BNC2: variants seen among roughly 807,000 people sequenced by gnomAD.
BNC2 encodes basonuclin zinc finger protein 2.
In BNC2, 20 loss-of-function variants were observed where a neutral mutation model predicts 76.3. The ratio of observed to expected loss-of-function variants is 0.26; its 90% CI spans 0.18 to 0.38. The LOEUF (loss-of-function observed/expected upper bound fraction) is 0.38. Among genes scored for constraint, BNC2 ranks in the 10% least tolerant of loss-of-function variants. BNC2 has a pLI of 1.00. For missense variants in BNC2, 1,382 were observed against 1,399.8 expected, an observed-to-expected ratio of 0.99 and a Z score of 0.20; for synonymous variants, 582 against 514.8, an observed-to-expected ratio of 1.13 and a Z score of -1.77.
chr9:16,868,414 A>C (rs1313784527), intron 1 of BNC2, among the ~76,000 whole-genome samples: 1 of 152,212 alleles, frequency 6.6e-6, no homozygotes, highest in African/African-American at 2.4e-5. Flanking sequence ...TATCTGACAG[A>C]TATCTTACAT....
chr9:16,690,320 A>T (rs369891850), intron 3 of BNC2, among the ~76,000 whole-genome samples: 7 of 152,266 alleles, frequency 4.6e-5, no homozygotes, highest in Admixed American at 2.0e-4. Context: ...AGTAATAATG[A>T]AAGAAAAATT....
intron 5 of BNC2, among the ~76,000 whole-genome samples, chr9:16,534,651 T>C (rs1189671201): frequency 1.3e-5 from 2 of 152,130 alleles, no homozygotes; most frequent in African/African-American, 4.8e-5. Flanking sequence ...AAAAAAATGA[T>C]TCTCCACCCA....
At chr9:16,848,002 A>C (rs932507360) in intron 1 of BNC2, among the ~76,000 whole-genome samples, 2 of 152,214 alleles carry the variant, frequency 1.3e-5, no homozygotes, top group African/African-American at 4.8e-5. Context: ...CCCTTTTCTA[A>C]GTCTCTGTTC....
intron 1 of BNC2, chr9:16,868,108 A>T (rs2136239207): frequency 6.6e-6 from 1 of 152,308 alleles, no homozygotes; most frequent in East Asian, 1.9e-4. Context: ...TTTTGAAAAG[A>T]CGACACAGCA....
chr9:16,633,706 G>A (rs997616552), intron 3 of BNC2, among the ~76,000 whole-genome samples: 10 of 151,954 alleles, frequency 6.6e-5, no homozygotes, highest in African/African-American at 2.2e-4. Context: ...TCGTAACATC[G>A]TGACAATGTT....
intron 5 of BNC2, among the ~76,000 whole-genome samples, chr9:16,470,829 A>G (rs760380551): frequency 2.0e-5 from 3 of 152,190 alleles, no homozygotes; most frequent in Non-Finnish European, 4.4e-5. Flanking sequence ...CTCATGGAGA[A>G]CCTCTGCTGC....
intron 1 of BNC2, among the ~76,000 whole-genome samples, chr9:16,748,941 T>C (rs1001303578): frequency 1.4e-5 from 2 of 145,574 alleles, no homozygotes; most frequent in African/African-American, 5.0e-5. Flanking sequence ...TATATATATA[T>C]ATATATATGA....
chr9:16,796,953 G>C (rs766273146), intron 1 of BNC2, among the ~76,000 whole-genome samples: 1 of 152,050 alleles, frequency 6.6e-6, no homozygotes, highest in African/African-American at 2.4e-5. Flanking sequence ...GCAAAAGTGG[G>C]GCTTCTACGA....
intron 3 of BNC2, among the ~76,000 whole-genome samples, chr9:16,587,935 G>A (rs1041165067): frequency 6.6e-6 from 1 of 152,136 alleles, no homozygotes; most frequent in Non-Finnish European, 1.5e-5. Flanking sequence ...AGTACAGGTT[G>A]TGAATATTAT....
At chr9:16,718,225 T>A (rs537035502) in intron 3 of BNC2, among the ~76,000 whole-genome samples, 186 of 152,338 alleles carry the variant, frequency 1.2e-3, no homozygotes, top group Admixed American at 1.3e-3. Flanking sequence ...AAGGCCCTTA[T>A]TCCCATAACA....
chr9:16,497,174 G>C lies in BNC2; in HGVS notation c.669+55356C>G, dbSNP rs534778435. 1.4e-4 allele frequency among the ~76,000 whole-genome samples: 22 copies of C among 152,288 alleles called. No individual in the cohort carries two copies. In the East Asian group the frequency reaches 4.3e-3, roughly 29 times the overall value. On this transcript the variant is annotated intron_variant, in intron 5 of 6. Transcript: ENST00000380672. ...TTTTTGGAGCTCTAATATCAGAAAG[G>C]GGTTTCCTAGTCATCTCAAAGTGTG...
intron 1 of BNC2, among the ~76,000 whole-genome samples, chr9:16,792,197 A>C (rs1342482804): frequency 6.6e-6 from 1 of 151,778 alleles, no homozygotes; most frequent in Non-Finnish European, 1.5e-5. Flanking sequence ...ACAAATTTTC[A>C]CTTACAATCC....
intron 3 of BNC2, among the ~76,000 whole-genome samples, chr9:16,632,813 C>G (rs1343885047): frequency 1.3e-5 from 2 of 152,110 alleles, no homozygotes; most frequent in Admixed American, 1.3e-4. Context: ...TTAGCACCAA[C>G]TTTTATGCAA....
chr9:16,847,428 C>A (rs1819016465), intron 1 of BNC2, among the ~76,000 whole-genome samples: 1 of 99,358 alleles, frequency 1.0e-5, no homozygotes. Context: ...CGGGCAACAA[C>A]CCTGAAGCTT....
At chr9:16,834,919 C>T (rs1406284894) in intron 1 of BNC2, among the ~76,000 whole-genome samples, 2 of 152,070 alleles carry the variant, frequency 1.3e-5, no homozygotes, top group African/African-American at 4.8e-5. Flanking sequence ...TCAGCAGTCT[C>T]CCCTGTGTAT....
chr9:16,619,294 T>C lies in BNC2; in HGVS notation c.331-36209A>G, dbSNP rs574984303. ...GCAAGGAGAAAATTCAAACCCAACA[T>C]AATGCTTTAGAAAAACAAAAATAGT... On this transcript the variant is annotated intron_variant, in intron 3 of 6. Coordinates refer to ENST00000380672, the MANE Select transcript of BNC2 (RefSeq NM_017637.6). Among the ~76,000 whole-genome samples the C allele has an allele frequency of 5.3e-5, 8 of 151,226 alleles. No individual in the cohort carries two copies. In the South Asian group the frequency reaches 8.4e-4, roughly 16 times the overall value.
chr9:16,861,504 TG>T (rs34536017), intron 1 of BNC2, among the ~76,000 whole-genome samples: 19,957 of 151,856 alleles, frequency 0.13, 1,834 homozygotes, highest in African/African-American at 0.24. Flanking sequence ...AAGTGAAAAA[TG>T]GCCAATGGAG....
chr9:16,727,007 C>T (rs971302723), intron 3 of BNC2: 4 of 152,278 alleles, frequency 2.6e-5, no homozygotes, highest in African/African-American at 9.6e-5. Flanking sequence ...TGGCCTCGCG[C>T]TACCACGTCG....
intron 6 of BNC2, among the ~76,000 whole-genome samples, chr9:16,421,922 T>C (rs942239173): frequency 6.6e-6 from 1 of 152,224 alleles, no homozygotes; most frequent in South Asian, 2.1e-4. Context: ...CATTTTGCGA[T>C]GACTGTAATC....
Sources: allele counts gnomAD v4.1 joint callset (sites outside exome capture counted in the v4.1 genomes callset), GRCh38; gene constraint gnomAD v4.1.1; transcripts MANE v1.5; gene names NCBI Gene and HGNC (gene_info 2026-07-23, HGNC 2026-07-21).